CTNNA3: variants seen among roughly 807,000 people sequenced by gnomAD.
The protein encoded by CTNNA3 is catenin alpha-3.
In CTNNA3, 76 loss-of-function variants were observed where a neutral mutation model predicts 95.7. That is an observed-to-expected ratio of 0.79 (90% confidence interval 0.66 to 0.96). The LOEUF is 0.96. CTNNA3 is among the 40% of genes least tolerant of loss of function. The pLI is 0.00. For synonymous variants in CTNNA3, 431 were observed against 374.4 expected (o/e 1.15, Z -1.74); for missense variants, 1,191 against 1,089.8 (o/e 1.09, Z -1.31).
At chr10:66,595,827 A>ATTTT (rs1366513536) in intron 10 of CTNNA3, among the ~76,000 whole-genome samples, 10 of 151,482 alleles carry the variant, frequency 6.6e-5, no homozygotes, top group African/African-American at 1.7e-4. Context: ...TTATTTATTT[A>ATTTT]TTTGTAGAGA....
At chr10:67,305,163 C>T (rs1390563115) in intron 5 of CTNNA3, among the ~76,000 whole-genome samples, 1 of 151,922 alleles carries the variant, frequency 6.6e-6, no homozygotes, top group Admixed American at 6.6e-5. Context: ...GTAGTCCCAG[C>T]TACGTGGGAG....
chr10:66,316,996 G>T (rs975698897), intron 12 of CTNNA3, among the ~76,000 whole-genome samples: 31 of 152,032 alleles, frequency 2.0e-4, no homozygotes, highest in Non-Finnish European at 4.1e-4. Flanking sequence ...TAAGATAGAT[G>T]AAAGTTCATA....
intron 13 of CTNNA3, among the ~76,000 whole-genome samples, chr10:66,147,181 C>T (rs930666525): frequency 6.6e-6 from 1 of 152,026 alleles, no homozygotes; most frequent in Non-Finnish European, 1.5e-5. Context: ...AAGAAAGTGT[C>T]TCTCTTCTAA....
In CTNNA3 at chr10:67,403,364, G is replaced by T. The variant is rs548181540; in HGVS notation, c.579+118478C>A. ...CCAATGTTGCTTTGAGCCCATTCCA[G>T]CCTGTAGGCTTTGCAGAATCCAAGC... is the stretch of plus-strand genomic sequence containing the variant. On this transcript the variant is annotated intron_variant, in intron 5 of 17. Coordinates refer to ENST00000433211, the MANE Select transcript of CTNNA3 (RefSeq NM_013266.4). 9.2e-5 allele frequency: 14 copies of T among 152,448 alleles called. No homozygotes were observed. In the East Asian group the frequency reaches 2.7e-3, roughly 29 times the overall value. 9.4% of individuals were successfully genotyped at this position (152,448 alleles called of 1,614,324 possible). A position where few individuals can be genotyped will look rare whatever the true frequency, so the allele number is the denominator to read the frequency against.
intron 7 of CTNNA3, among the ~76,000 whole-genome samples, chr10:67,057,731 C>A (rs1390795103): frequency 6.6e-6 from 1 of 152,110 alleles, no homozygotes; most frequent in Non-Finnish European, 1.5e-5. Context: ...ACCACCACCA[C>A]CACGATGAGC....
intron 13 of CTNNA3, among the ~76,000 whole-genome samples, chr10:66,170,451 T>C (rs1196071512): frequency 1.3e-5 from 2 of 152,012 alleles, no homozygotes; most frequent in Non-Finnish European, 2.9e-5. Flanking sequence ...AATAAAACAT[T>C]ACTACATTTG....
intron 5 of CTNNA3, among the ~76,000 whole-genome samples, chr10:67,448,890 T>A (rs1228375366): frequency 6.7e-6 from 1 of 149,140 alleles, no homozygotes; most frequent in Non-Finnish European, 1.5e-5. Context: ...ATAATATTTA[T>A]ATATCTATAG....
At chr10:66,674,895 T>A (rs1011632171) in intron 9 of CTNNA3, among the ~76,000 whole-genome samples, 4 of 152,102 alleles carry the variant, frequency 2.6e-5, no homozygotes, top group Admixed American at 2.6e-4. Flanking sequence ...ATACATCTGT[T>A]TCAAAGAGAA....
chr10:66,738,334 G>A (rs1043171643), intron 9 of CTNNA3, among the ~76,000 whole-genome samples: 1 of 152,034 alleles, frequency 6.6e-6, no homozygotes, highest in Admixed American at 6.6e-5. Flanking sequence ...AGCTGATTCT[G>A]TTTTTACCAC....
At chr10:66,880,155 A>T (rs1844791814) in intron 7 of CTNNA3, among the ~76,000 whole-genome samples, 2 of 152,170 alleles carry the variant, frequency 1.3e-5, no homozygotes, top group East Asian at 1.9e-4. Context: ...AAGAGAATGA[A>T]CTGAAAGTAT....
intron 15 of CTNNA3, among the ~76,000 whole-genome samples, chr10:66,032,577 C>A (rs2079470790): frequency 6.6e-6 from 1 of 152,048 alleles, no homozygotes; most frequent in African/African-American, 2.4e-5. Flanking sequence ...TTTTATAATT[C>A]ATTTATTAAT....
intron 1 of CTNNA3, among the ~76,000 whole-genome samples, chr10:67,756,838 T>C (rs922083032): frequency 2.0e-5 from 3 of 152,226 alleles, no homozygotes; most frequent in African/African-American, 7.2e-5. Flanking sequence ...TGGTGAATTT[T>C]ACCTCAATAT....
intron 13 of CTNNA3, among the ~76,000 whole-genome samples, chr10:66,185,950 C>T (rs1393792345): frequency 6.6e-6 from 1 of 151,530 alleles, no homozygotes; most frequent in African/African-American, 2.4e-5. Flanking sequence ...TATATATATA[C>T]ACATACACAT....
intron 12 of CTNNA3, among the ~76,000 whole-genome samples, chr10:66,344,434 T>C (rs1197180131): frequency 6.7e-6 from 1 of 150,232 alleles, no homozygotes; most frequent in Non-Finnish European, 1.5e-5. Flanking sequence ...GCCCGGCTCA[T>C]TTTTGTATTT....
Position 66,130,649 on chromosome 10 carries a change from C to G in CTNNA3, c.1885-27400G>C, listed in dbSNP as rs534568008. ...CGTGAGGTCTCGAGTTCGAGACCAT[C>G]CTGGCCAACATGGTGAAACCCTGTC... On this transcript the variant is annotated intron_variant, in intron 13 of 17. Coordinates refer to ENST00000433211, the MANE Select transcript of CTNNA3 (RefSeq NM_013266.4). Among the ~76,000 whole-genome samples the G allele has an allele frequency of 2.8e-4, 42 of 151,948 alleles. No individual in the cohort carries two copies. In the South Asian group the frequency reaches 7.5e-3, roughly 27 times the overall value.
intron 5 of CTNNA3, among the ~76,000 whole-genome samples, chr10:67,235,207 G>A (rs370604903): frequency 6.6e-6 from 1 of 151,658 alleles, no homozygotes. Context: ...CATCGCCAAG[G>A]CAATCCTAAG....
intron 3 of CTNNA3, among the ~76,000 whole-genome samples, chr10:67,598,959 A>T (rs1175822670): frequency 1.3e-5 from 2 of 152,224 alleles, no homozygotes; most frequent in African/African-American, 4.8e-5. Flanking sequence ...GAAAAAAAAT[A>T]AAAATAAAAA....
intron 5 of CTNNA3, among the ~76,000 whole-genome samples, chr10:67,450,023 T>C (rs542012325): frequency 6.6e-6 from 1 of 152,088 alleles, no homozygotes; most frequent in African/African-American, 2.4e-5. Context: ...ACATAACATG[T>C]GGCCAACAAG....
chr10:67,726,094 T>C (rs1177527288), intron 1 of CTNNA3, among the ~76,000 whole-genome samples: 6 of 117,678 alleles, frequency 5.1e-5, no homozygotes, highest in Non-Finnish European at 9.7e-5. Flanking sequence ...TATTATAATA[T>C]ATAATTATAT....
Sources: allele counts gnomAD v4.1 joint callset (sites outside exome capture counted in the v4.1 genomes callset), GRCh38; gene constraint gnomAD v4.1.1; transcripts MANE v1.5; gene names NCBI Gene and HGNC (gene_info 2026-07-23, HGNC 2026-07-21).